SLIT3: variants seen among roughly 807,000 people sequenced by gnomAD.
SLIT3 encodes the protein slit guidance ligand 3, also known as slit homolog 3 protein.
In SLIT3, 68 loss-of-function variants were observed where a neutral mutation model predicts 184.0. The ratio of observed to expected loss-of-function variants is 0.37; its 90% confidence interval spans 0.30 to 0.45. The LOEUF (loss-of-function observed/expected upper bound fraction) is 0.45. Ranked by LOEUF, SLIT3 falls within the 20% of genes least tolerant of loss-of-function variation. The probability of loss-of-function intolerance (pLI) is 1.00; values close to 1 mark genes in which losing one functional copy is unlikely to be tolerated. For synonymous variants in SLIT3, 831 were observed against 828.6 expected (o/e 1.00, Z -0.05); for missense variants, 1,707 against 2,026.0 (o/e 0.84, Z 3.02).
intron 4 of SLIT3, among the ~76,000 whole-genome samples, chr5:169,174,945 C>G (rs1027990598): frequency 2.4e-4 from 16 of 65,708 alleles, no homozygotes; most frequent in African/African-American, 1.1e-3. Flanking sequence ...ACCCTTTGCT[C>G]TTTTCACAAC....
chr5:168,850,238 G>A (rs953231476), intron 5 of SLIT3, among the ~76,000 whole-genome samples: 2 of 152,050 alleles, frequency 1.3e-5, no homozygotes, highest in African/African-American at 2.4e-5. Context: ...ATCATTTGAG[G>A]GCTACTGTAA....
chr5:168,922,745 A>T lies in SLIT3; in HGVS notation c.414-39409T>A, dbSNP rs536122041. 6.6e-5 allele frequency among the ~76,000 whole-genome samples: 10 copies of T among 152,274 alleles called. No homozygotes were observed. In the South Asian group the frequency reaches 2.1e-3, roughly 32 times the overall value. On this transcript the variant is annotated intron_variant, in intron 4 of 35. Coordinates refer to ENST00000519560, the MANE Select transcript of SLIT3 (RefSeq NM_003062.4). ...CTTCATGAAGCTTGATCAGGCAGTG[A>T]TGTATCAACTGATGATAAGGGAGAT...
At chr5:169,082,402 CCTTA>C (rs1759103985) in intron 4 of SLIT3, among the ~76,000 whole-genome samples, 1 of 152,168 alleles carries the variant, frequency 6.6e-6, no homozygotes, top group African/African-American at 2.4e-5. Flanking sequence ...TTAAAATATG[CCTTA>C]CTTACTTTCA....
At chr5:168,772,708 T>G in intron 14 of SLIT3, 73 bp downstream of exon 14, 3 of 1,521,990 alleles carry the variant, frequency 2.0e-6, no homozygotes, top group Non-Finnish European at 2.7e-6. Flanking sequence ...GTCCTCCAGA[T>G]TGGATTATTG....
At chr5:169,252,690 A>G (rs1765816896) in intron 1 of SLIT3, among the ~76,000 whole-genome samples, 1 of 152,150 alleles carries the variant, frequency 6.6e-6, no homozygotes. Flanking sequence ...TTCTTTCTGA[A>G]CATTTATATA....
chr5:168,884,427 T>TCTCTCA (rs1451821641), intron 4 of SLIT3, among the ~76,000 whole-genome samples: 4 of 144,262 alleles, frequency 2.8e-5, no homozygotes, highest in African/African-American at 1.0e-4. Context: ...TCTCTCTCTC[T>TCTCTCA]CACACACACA....
chr5:168,719,551 A>T (rs553978374), intron 23 of SLIT3, among the ~76,000 whole-genome samples: 1 of 152,324 alleles, frequency 6.6e-6, no homozygotes, highest in South Asian at 2.1e-4. Flanking sequence ...CCACATTGCT[A>T]TCTAGTTTTC....
intron 8 of SLIT3, among the ~76,000 whole-genome samples, chr5:168,808,645 A>G (rs1757059056): frequency 6.6e-6 from 1 of 152,122 alleles, no homozygotes; most frequent in South Asian, 2.1e-4. Context: ...TTTTGGTGCC[A>G]TGTCAGTGAA....
chr5:169,297,834 A>G (rs1385789962), intron 1 of SLIT3, among the ~76,000 whole-genome samples: 1 of 152,214 alleles, frequency 6.6e-6, no homozygotes, highest in East Asian at 1.9e-4. Context: ...TCCTAGGCTC[A>G]AGCGATCCTC....
chr5:169,192,423 CTGTGTGTGTGTGTGTG>C (rs3038088), intron 4 of SLIT3, among the ~76,000 whole-genome samples: 1 of 148,172 alleles, frequency 6.7e-6, no homozygotes, highest in Non-Finnish European at 1.5e-5. Context: ...TATATAGTCT[CTGTGTGTGTGTGTGTG>C]TGTGTGTGTG....
chr5:168,858,430 T>C (rs1304669711), intron 5 of SLIT3, among the ~76,000 whole-genome samples: 1 of 152,282 alleles, frequency 6.6e-6, no homozygotes, highest in East Asian at 1.9e-4. Context: ...AAAGGCTAGT[T>C]GTCTTATAAG....
rs563922155 is a variant in SLIT3 at position 168,880,295 on chromosome 5, T to C, written c.485+2970A>G. Reference sequence around the variant, plus strand: ...CCCAGGGCAAAAGCCATCCACATTCTCAGTGCCTACATCTAAAGCCCATGC... The same window carrying C: ...CCCAGGGCAAAAGCCATCCACATTCCCAGTGCCTACATCTAAAGCCCATGC... On this transcript the variant is annotated intron_variant, in intron 5 of 35. Coordinates refer to ENST00000519560, the MANE Select transcript of SLIT3 (RefSeq NM_003062.4). 3.3e-5 allele frequency among the ~76,000 whole-genome samples: 5 copies of C among 152,294 alleles called. No homozygotes were observed. The East Asian group carries it at 9.7e-4, about 29-fold the overall frequency.
At chr5:169,176,915 G>A (rs1388449045) in intron 4 of SLIT3, among the ~76,000 whole-genome samples, 3 of 152,130 alleles carry the variant, frequency 2.0e-5, no homozygotes, top group Non-Finnish European at 4.4e-5. Context: ...AATCCACCTC[G>A]AGGGCTCCAG....
At chr5:168,813,890 G>A (rs1053157110) in intron 8 of SLIT3, among the ~76,000 whole-genome samples, 1 of 152,232 alleles carries the variant, frequency 6.6e-6, no homozygotes, top group African/African-American at 2.4e-5. Flanking sequence ...GGCTCAGGGA[G>A]CTTTTCTTAT....
chr5:169,015,032 A>G (rs1756309383), intron 4 of SLIT3, among the ~76,000 whole-genome samples: 1 of 152,200 alleles, frequency 6.6e-6, no homozygotes, highest in Non-Finnish European at 1.5e-5. Context: ...GCAGGAGGGC[A>G]AAAAGCAAAA....
At chr5:168,775,419 C>T (rs540207596) in intron 12 of SLIT3, among the ~76,000 whole-genome samples, 18 of 152,186 alleles carry the variant, frequency 1.2e-4, no homozygotes, top group Admixed American at 3.3e-4. Context: ...TTCAGCAGGG[C>T]TGCCTTCTTT....
chr5:169,062,483 CCTT>C (rs111451239), intron 4 of SLIT3, among the ~76,000 whole-genome samples: 3 of 152,192 alleles, frequency 2.0e-5, no homozygotes, highest in African/African-American at 7.2e-5. Flanking sequence ...CTGGCCTCTG[CCTT>C]CTTCTCTGAT....
chr5:168,999,690 G>A (rs1755637385), intron 4 of SLIT3, among the ~76,000 whole-genome samples: 1 of 152,248 alleles, frequency 6.6e-6, no homozygotes, highest in Non-Finnish European at 1.5e-5. Context: ...GAGGCACACA[G>A]CCCAAGTCCC....
At chr5:169,260,799 T>C (rs924491217) in intron 1 of SLIT3, among the ~76,000 whole-genome samples, 3 of 152,236 alleles carry the variant, frequency 2.0e-5, no homozygotes, top group African/African-American at 7.2e-5. Context: ...GGTATATAGC[T>C]ATAAACAATA....
Sources: allele counts gnomAD v4.1 joint callset (sites outside exome capture counted in the v4.1 genomes callset), GRCh38; gene constraint gnomAD v4.1.1; transcripts MANE v1.5; gene names NCBI Gene and HGNC (gene_info 2026-07-23, HGNC 2026-07-21).